The following BCL2 variants were observed in gnomAD, a reference collection of about 807,000 sequenced individuals.
BCL2 encodes the protein BCL2 apoptosis regulator.
BCL2 carries 1 observed loss-of-function variant against 14.2 expected under a neutral mutation model. That is an observed-to-expected ratio of 0.07 (90% confidence interval 0.02 to 0.33). The LOEUF (loss-of-function observed/expected upper bound fraction) is 0.33. Ranked by LOEUF, BCL2 falls within the 10% of genes least tolerant of loss-of-function variation. BCL2 has a pLI of 0.99. For missense variants in BCL2, 247 were observed against 305.9 expected (o/e 0.81, Z 1.44); for synonymous variants, 151 against 137.2 (o/e 1.10, Z -0.70).
intron 2 of BCL2, among the ~76,000 whole-genome samples, chr18:63,146,836 G>C (rs1223698710): frequency 6.6e-6 from 1 of 152,156 alleles, no homozygotes; most frequent in East Asian, 1.9e-4. Flanking sequence ...GTTCATGGTT[G>C]ATGGAATATA....
At chr18:63,238,370 G>A (rs1048680899) in intron 2 of BCL2, among the ~76,000 whole-genome samples, 6 of 152,162 alleles carry the variant, frequency 3.9e-5, no homozygotes, top group African/African-American at 1.4e-4. Context: ...AGACTCCAGC[G>A]AAAACAGAAC....
chr18:63,313,811 C>T (rs1406200669), intron 2 of BCL2: 2 of 152,086 alleles, frequency 1.3e-5, no homozygotes, highest in Admixed American at 1.3e-4. Context: ...ATTTTGCTTG[C>T]CTTTTTTTTA....
chr18:63,261,651 C>G (rs1021659202), intron 2 of BCL2, among the ~76,000 whole-genome samples: 2 of 152,030 alleles, frequency 1.3e-5, no homozygotes, highest in African/African-American at 4.8e-5. Context: ...ATACTACCTA[C>G]GCCATTTAAG....
intron 2 of BCL2, among the ~76,000 whole-genome samples, chr18:63,243,496 T>C (rs954187897): frequency 6.6e-6 from 1 of 152,152 alleles, no homozygotes; most frequent in Admixed American, 6.5e-5. Context: ...AACCTGCACA[T>C]GTACCGCTGA....
At chr18:63,204,885 A>G (rs1909792692) in intron 2 of BCL2, among the ~76,000 whole-genome samples, 2 of 152,198 alleles carry the variant, frequency 1.3e-5, no homozygotes, top group African/African-American at 4.8e-5. Flanking sequence ...CTTTTGTGTA[A>G]GAAAGGGAAA....
chr18:63,308,641 A>G (rs1219940089), intron 2 of BCL2, among the ~76,000 whole-genome samples: 2 of 152,222 alleles, frequency 1.3e-5, no homozygotes, highest in East Asian at 1.9e-4. Flanking sequence ...TTCAGGAATA[A>G]ATGATATACT....
intron 2 of BCL2, among the ~76,000 whole-genome samples, chr18:63,163,216 C>T (rs2144620998): frequency 6.6e-6 from 1 of 152,276 alleles, no homozygotes; most frequent in East Asian, 1.9e-4. Flanking sequence ...AAATCTTAAC[C>T]CATTCTTCCA....
chr18:63,209,926 G>T (rs1380278900), intron 2 of BCL2, among the ~76,000 whole-genome samples: 2 of 152,180 alleles, frequency 1.3e-5, no homozygotes, highest in Non-Finnish European at 2.9e-5. Flanking sequence ...CTACAGGAAA[G>T]TAAAATGTTA....
intron 2 of BCL2, among the ~76,000 whole-genome samples, chr18:63,134,189 T>C (rs1914148191): frequency 6.6e-6 from 1 of 152,250 alleles, no homozygotes; most frequent in Non-Finnish European, 1.5e-5. Flanking sequence ...TTCTGATTTT[T>C]TTCCTTAGCT....
intron 2 of BCL2, among the ~76,000 whole-genome samples, chr18:63,253,014 T>A (rs904354155): frequency 6.6e-6 from 1 of 152,226 alleles, no homozygotes; most frequent in African/African-American, 2.4e-5. Flanking sequence ...ACACCAACTC[T>A]GTACACAAAA....
rs542963668 is a variant in BCL2 at position 63,141,362 on chromosome 18, C to T, written c.586-12603G>A. On this transcript the variant is annotated intron_variant, in intron 2 of 2. Transcript: ENST00000333681. The stretch of plus-strand genomic sequence containing the variant: ...TCCGCCACTTCTCCACTGCTCTTCT[C>T]CCCACCTGGCCTCAGACCCTCCTGC... Among the ~76,000 whole-genome samples, 9 of 151,948 alleles carry T rather than the reference C, an allele frequency of 5.9e-5. No homozygotes were observed. In the South Asian group the frequency reaches 1.7e-3, roughly 28 times the overall value.
At chr18:63,156,365 G>A (rs1419797804) in intron 2 of BCL2, among the ~76,000 whole-genome samples, 3 of 152,180 alleles carry the variant, frequency 2.0e-5, no homozygotes, top group Non-Finnish European at 4.4e-5. Flanking sequence ...GGGAGGACGG[G>A]CTGCCCTGTG....
At chr18:63,129,584 T>C (rs947334358) in intron 2 of BCL2, among the ~76,000 whole-genome samples, 4 of 152,230 alleles carry the variant, frequency 2.6e-5, no homozygotes, top group African/African-American at 7.2e-5. Context: ...CAGCTAATTC[T>C]TTGTACCAAT....
chr18:63,248,455 G>A (rs1911212461), intron 2 of BCL2, among the ~76,000 whole-genome samples: 1 of 150,192 alleles, frequency 6.7e-6, no homozygotes, highest in African/African-American at 2.5e-5. Flanking sequence ...GTGTAGAAAT[G>A]GTGGTCAAAT....
At chr18:63,274,251 G>A (rs575339980) in intron 2 of BCL2, among the ~76,000 whole-genome samples, 12 of 150,818 alleles carry the variant, frequency 8.0e-5, no homozygotes, top group Non-Finnish European at 1.6e-4. Flanking sequence ...CATCTACCAT[G>A]GGAGTCAAGC....
rs139874554 is a variant in BCL2, at chr18:63,216,571, G to A, written c.586-87812C>T. Among the ~76,000 whole-genome samples, 26 of 152,244 alleles carry A rather than the reference G, an allele frequency of 1.7e-4. No homozygotes were observed. In the East Asian group the frequency reaches 4.6e-3, roughly 27 times the overall value. ...AGAACTGTAATTGCTTTAGAGACTG[G>A]CCTATTTTTACCATCAAGTCTTTAA... On this transcript the variant is annotated intron_variant, in intron 2 of 2. Coordinates refer to ENST00000333681, the MANE Select transcript of BCL2 (RefSeq NM_000633.3).
At chr18:63,142,715 CTG>C (rs1304404300) in intron 2 of BCL2, among the ~76,000 whole-genome samples, 1 of 152,222 alleles carries the variant, frequency 6.6e-6, no homozygotes, top group East Asian at 1.9e-4. Context: ...ATTACATCCT[CTG>C]TGCTCTGGGG....
chr18:63,133,698 G>A (rs904634635), intron 2 of BCL2, among the ~76,000 whole-genome samples: 2 of 152,166 alleles, frequency 1.3e-5, no homozygotes, highest in African/African-American at 2.4e-5. Flanking sequence ...AATGGCATGC[G>A]GTTGGGGATA....
At chr18:63,250,739 A>AG (rs550556808) in intron 2 of BCL2, among the ~76,000 whole-genome samples, 854 of 152,344 alleles carry the variant, frequency 5.6e-3, no homozygotes, top group Non-Finnish European at 8.9e-3. Context: ...GAATTTCTGA[A>AG]ACAAACATGT....
Sources: gnomAD v4.1 joint callset for allele counts (sites outside exome capture counted in the v4.1 genomes callset) on GRCh38, gnomAD v4.1.1 for gene constraint, MANE v1.5 for transcripts, NCBI Gene and HGNC (gene_info 2026-07-23, HGNC 2026-07-21) for gene names.